The following MTREX variants were observed in gnomAD, a reference collection of about 807,000 sequenced individuals.
The protein encoded by MTREX is Mtr4 exosome RNA helicase.
A neutral mutation model predicts 135.4 loss-of-function variants in MTREX; 76 were observed. The ratio of observed to expected loss-of-function variants is 0.56; its 90% CI spans 0.47 to 0.68. The LOEUF (loss-of-function observed/expected upper bound fraction) is 0.68, where lower values mean the gene tolerates loss of function less well. MTREX is among the 30% of genes least tolerant of loss of function. The pLI, the probability that MTREX is intolerant of heterozygous loss-of-function variation, is 0.00. For missense variants in MTREX, 920 were observed against 1,262.1 expected (o/e 0.73, Z 4.11); for synonymous variants, 404 against 401.6 (o/e 1.01, Z -0.07).
chr5:55,330,453 T>G (rs1280242711), intron 5 of MTREX, among the ~76,000 whole-genome samples: 3 of 152,008 alleles, frequency 2.0e-5, no homozygotes, highest in Non-Finnish European at 4.4e-5. Context: ...TTTTTTTAGC[T>G]TCCTTTTTTT....
At chr5:55,413,335 C>CAAA (rs34179127) in intron 23 of MTREX, among the ~76,000 whole-genome samples, 73 of 84,490 alleles carry the variant, frequency 8.6e-4, no homozygotes, top group African/African-American at 2.8e-3. Context: ...GACTCTGTCT[C>CAAA]AAAAAAAAAA....
Position 55,410,643 on chromosome 5 carries a change from T to G in MTREX, c.2751+14T>G. ...TTTCAAGAGAATGTAAGTTAATTGATTCAGCACATCTTATTTATTAATTCA... is the reference window on the plus strand; with the variant it reads ...TTTCAAGAGAATGTAAGTTAATTGAGTCAGCACATCTTATTTATTAATTCA... On this transcript the variant is annotated intron_variant, in intron 23 of 26. Coordinates refer to ENST00000230640, the MANE Select transcript of MTREX (RefSeq NM_015360.5). 1 of 1,496,114 alleles carries G rather than the reference T, an allele frequency of 6.7e-7. No individual in the cohort carries two copies. Among genetic ancestry groups the G allele is most frequent in the Middle Eastern group, 1.7e-4 (1 of 5,812 alleles). The allele number at this position is 1,496,114 out of a possible 1,614,324, so 92.7% of individuals were successfully genotyped here.
intron 1 of MTREX, among the ~76,000 whole-genome samples, chr5:55,319,209 T>C (rs1306002003): frequency 6.6e-6 from 1 of 152,222 alleles, no homozygotes; most frequent in Non-Finnish European, 1.5e-5. Context: ...TTTATAGTTA[T>C]CAAAATTAGG....
intron 25 of MTREX, 70 bp downstream of exon 25, chr5:55,416,202 A>T (rs1348846644): frequency 1.1e-6 from 1 of 949,084 alleles, no homozygotes; most frequent in Non-Finnish European, 1.5e-6. Flanking sequence ...TGTTTTAATT[A>T]AACAAGTATA....
chr5:55,323,596 GTT>G (rs1158882535), intron 2 of MTREX, among the ~76,000 whole-genome samples: 1 of 151,852 alleles, frequency 6.6e-6, no homozygotes, highest in Non-Finnish European at 1.5e-5. Flanking sequence ...TAATTTTTGA[GTT>G]TTTTTGTAGT....
chr5:55,313,393 A>G (rs1478538170), intron 1 of MTREX, among the ~76,000 whole-genome samples: 2 of 152,162 alleles, frequency 1.3e-5, no homozygotes, highest in African/African-American at 4.8e-5. Context: ...GGGAGCTGTG[A>G]TCATGACACT....
chr5:55,390,548 C>T (rs1750551184), intron 19 of MTREX, among the ~76,000 whole-genome samples: 1 of 152,116 alleles, frequency 6.6e-6, no homozygotes, highest in African/African-American at 2.4e-5. Context: ...CAGAGGTGAA[C>T]AGTTTAGTGT....
chr5:55,323,502 A>G (rs989078201), intron 2 of MTREX, among the ~76,000 whole-genome samples: 1 of 152,022 alleles, frequency 6.6e-6, no homozygotes, highest in Non-Finnish European at 1.5e-5. Context: ...GCTCACTGCC[A>G]TCTCAGCCTC....
chr5:55,376,777 T>C (rs527484112), intron 16 of MTREX, among the ~76,000 whole-genome samples: 54 of 152,270 alleles, frequency 3.5e-4, no homozygotes, highest in Non-Finnish European at 6.2e-4. Flanking sequence ...TTAAAAACTA[T>C]AGATTTTATA....
At chr5:55,349,677 A>G (rs1414031506) in intron 12 of MTREX, 25 bp downstream of exon 12, 7 of 1,256,522 alleles carry the variant, frequency 5.6e-6, no homozygotes, top group Admixed American at 5.2e-5. Context: ...TCAGTAGATA[A>G]AAGTGTAGAT....
intron 16 of MTREX, among the ~76,000 whole-genome samples, chr5:55,371,100 A>T (rs1750187619): frequency 6.6e-6 from 1 of 152,218 alleles, no homozygotes; most frequent in Admixed American, 6.5e-5. Context: ...TTCATTAATA[A>T]TGCCAGTGGT....
At chr5:55,420,005 A>C (rs767446327) in intron 25 of MTREX, among the ~76,000 whole-genome samples, 3 of 152,202 alleles carry the variant, frequency 2.0e-5, no homozygotes, top group Non-Finnish European at 4.4e-5. Flanking sequence ...ATTTATTAGT[A>C]ATTGTTTCTG....
intron 9 of MTREX, among the ~76,000 whole-genome samples, chr5:55,344,875 C>A (rs1749704841): frequency 6.6e-6 from 1 of 152,092 alleles, no homozygotes; most frequent in African/African-American, 2.4e-5. Flanking sequence ...AATAGGGGTT[C>A]TGGACATGTT....
chr5:55,332,916 A>G (rs914112849), intron 5 of MTREX, among the ~76,000 whole-genome samples: 2 of 152,170 alleles, frequency 1.3e-5, no homozygotes, highest in African/African-American at 4.8e-5. Flanking sequence ...ACCTTGGCTT[A>G]TCTGGTCATT....
intron 25 of MTREX, among the ~76,000 whole-genome samples, chr5:55,417,104 C>T (rs577221348): frequency 2.6e-5 from 4 of 152,210 alleles, no homozygotes; most frequent in African/African-American, 9.6e-5. Flanking sequence ...GTTTATAGCA[C>T]ATTTTTAAAT....
intron 3 of MTREX, among the ~76,000 whole-genome samples, chr5:55,326,630 A>C (rs1749382778): frequency 6.6e-6 from 1 of 152,064 alleles, no homozygotes; most frequent in South Asian, 2.1e-4. Context: ...CCCCTTCCAG[A>C]CTAAGGATGG....
intron 18 of MTREX, among the ~76,000 whole-genome samples, chr5:55,387,364 A>G (rs1298783257): frequency 6.6e-6 from 1 of 152,062 alleles, no homozygotes; most frequent in African/African-American, 2.4e-5. Flanking sequence ...TTGCTGTATA[A>G]CTTTCCTTTT....
chr5:55,374,589 C>CA (rs1439829650), intron 16 of MTREX, among the ~76,000 whole-genome samples: 1 of 151,624 alleles, frequency 6.6e-6, no homozygotes, highest in Non-Finnish European at 1.5e-5. Context: ...TGTGCCTAGC[C>CA]AAAAAAACAC....
intron 13 of MTREX, among the ~76,000 whole-genome samples, chr5:55,351,432 T>G (rs1749826458): frequency 6.6e-6 from 1 of 152,158 alleles, no homozygotes; most frequent in African/African-American, 2.4e-5. Context: ...CTAGGGAAGC[T>G]GAGGCAGGAG....
Sources: allele counts gnomAD v4.1 joint callset (sites outside exome capture counted in the v4.1 genomes callset), GRCh38; gene constraint gnomAD v4.1.1; transcripts MANE v1.5; gene names NCBI Gene and HGNC (gene_info 2026-07-23, HGNC 2026-07-21).